Variants in DYNC2H1 observed in about 807,000 individuals in gnomAD.
The protein encoded by DYNC2H1 is dynein cytoplasmic 2 heavy chain 1, also known as cytoplasmic dynein 2 heavy chain 1.
In DYNC2H1, 410 loss-of-function variants were observed where a neutral mutation model predicts 570.0. The observed-to-expected ratio is 0.72, with a 90% CI of 0.66 to 0.78. DYNC2H1 has a LOEUF of 0.78. Ranked by LOEUF, DYNC2H1 falls within the 30% of genes least tolerant of loss-of-function variation. The pLI is 0.00. For missense variants in DYNC2H1, 4,865 were observed against 5,046.4 expected, an observed-to-expected ratio of 0.96 and a Z score of 1.09; for synonymous variants, 1,688 against 1,677.6, an observed-to-expected ratio of 1.01 and a Z score of -0.15.
intron 4 of DYNC2H1, 40 bp from the exon 5 acceptor site, chr11:103,116,530 A>C (rs878869901): frequency 6.6e-7 from 1 of 1,507,636 alleles, no homozygotes; most frequent in Non-Finnish European, 9.0e-7. Flanking sequence ...CCCAAGGTAC[A>C]AATATAATTA....
intron 84 of DYNC2H1, among the ~76,000 whole-genome samples, chr11:103,431,982 A>G (rs1943908937): frequency 6.6e-6 from 1 of 152,068 alleles, no homozygotes; most frequent in South Asian, 2.1e-4. Flanking sequence ...TGCTGAGCAT[A>G]CTTCTCAGAT....
chr11:103,110,581 A>G (rs1479830801), intron 1 of DYNC2H1, among the ~76,000 whole-genome samples: 3 of 152,020 alleles, frequency 2.0e-5, no homozygotes, highest in African/African-American at 4.8e-5. Context: ...TGATTTATTA[A>G]TTGCACTGCT....
chr11:103,154,404 A>G, intron 22 of DYNC2H1, 47 bp from the exon 23 acceptor site: 1 of 1,467,066 alleles, frequency 6.8e-7, no homozygotes, highest in Non-Finnish European at 9.1e-7. Context: ...TAACAGTATC[A>G]ATATTTCTGT....
intron 82 of DYNC2H1, among the ~76,000 whole-genome samples, chr11:103,331,705 A>G (rs190793661): frequency 4.2e-4 from 64 of 152,332 alleles, no homozygotes; most frequent in Middle Eastern, 3.4e-3. Context: ...CCAGAATAAG[A>G]TAAGACACAG....
intron 75 of DYNC2H1, among the ~76,000 whole-genome samples, chr11:103,294,397 T>C (rs1438302885): frequency 6.6e-6 from 1 of 152,162 alleles, no homozygotes; most frequent in Non-Finnish European, 1.5e-5. Flanking sequence ...TGTTTTTACC[T>C]AAGCCTGTTT....
chr11:103,354,575 A>G (rs1046548055), intron 82 of DYNC2H1, among the ~76,000 whole-genome samples: 1 of 151,484 alleles, frequency 6.6e-6, no homozygotes, highest in Non-Finnish European at 1.5e-5. Flanking sequence ...TTTTTTTTGG[A>G]TGATTTTCTT....
At position 103,479,364 on chromosome 11, in the gene DYNC2H1, T is replaced by TAACTATATGTTA; in HGVS notation, c.*112_*113insACTATATGTTAA. 1 of 1,271,794 alleles carries TAACTATATGTTA rather than the reference T, an allele frequency of 7.9e-7. No individual in the cohort carries two copies. The highest frequency in any genetic ancestry group is 1.0e-6 in the Non-Finnish European group (1 of 960,228). The allele number at this position is 1,271,794 out of a possible 1,614,324, so 78.8% of individuals were successfully genotyped here. ...GAAATGTTAGTTCAAAATATTAACATATAGTTATGTTGTTGATGTCACTGA... is the reference window on the plus strand; with the variant it reads ...GAAATGTTAGTTCAAAATATTAACATAACTATATGTTAATAGTTATGTTGTTGATGTCACTGA... On this transcript the variant is annotated 3_prime_UTR_variant, in exon 89 of 89. Transcript: ENST00000375735.
intron 4 of DYNC2H1, 102 bp from the exon 5 acceptor site, chr11:103,116,468 A>G: frequency 1.3e-6 from 1 of 796,052 alleles, no homozygotes; most frequent in Non-Finnish European, 1.8e-6. Context: ...TAATATGGCA[A>G]ATATTAGAGT....
chr11:103,342,987 C>T (rs1022984702), intron 82 of DYNC2H1, among the ~76,000 whole-genome samples: 2 of 152,108 alleles, frequency 1.3e-5, no homozygotes, highest in Non-Finnish European at 2.9e-5. Context: ...GGGGGCTAAA[C>T]ACTGGGCACC....
At chr11:103,230,247 G>T (rs572800393) in intron 59 of DYNC2H1, among the ~76,000 whole-genome samples, 1 of 152,130 alleles carries the variant, frequency 6.6e-6, no homozygotes, top group Non-Finnish European at 1.5e-5. Flanking sequence ...CTGATCCTTG[G>T]TTGTTAGTTA....
Position 103,170,886 on chromosome 11 carries a change from G to A in DYNC2H1, c.5152G>A (p.Gly1718Ser). The A allele has an allele frequency of 2.0e-6, 3 of 1,481,336 alleles. No homozygotes were observed. The highest frequency in any genetic ancestry group is 2.7e-6 in the Non-Finnish European group (3 of 1,106,344). The allele number at this position is 1,481,336 out of a possible 1,614,324, so 91.8% of individuals were successfully genotyped here. Residue 1718 changes from glycine (G) to serine (S), a missense_variant and splice_region_variant, in exon 34 of 89, where the codon GGC (glycine) becomes AGC (serine). Transcript: ENST00000375735. The surrounding 1 kb of genome is among the most constrained non-coding windows in gnomAD (Gnocchi z 4.8). ...RQVLVFNCDEGIDVKSMGRIF... is the reference protein window; with the variant it reads ...RQVLVFNCDESIDVKSMGRIF... ...TATAATTTTTATTGTTGTTTTTAAG[G>A]GCATCGATGTGAAGTCAATGGGACG...
rs1942378628 is a variant in DYNC2H1 at position 103,395,876 on chromosome 11, A to G, written c.12157-3787A>G. On this transcript the variant is annotated intron_variant, in intron 83 of 88. Coordinates refer to ENST00000375735, the MANE Select transcript of DYNC2H1 (RefSeq NM_001377.3). This position sits in a 1 kb window ranked among gnomAD's most constrained non-coding sequence, Gnocchi z 4.3. ...GAAATGATTATCTAAAGAGGAATGAAGGGTTACTTGAGGGCAAAGGTAGAA... is the reference window on the plus strand; with the variant it reads ...GAAATGATTATCTAAAGAGGAATGAGGGGTTACTTGAGGGCAAAGGTAGAA... Among the ~76,000 whole-genome samples, 1 of 152,224 alleles carries G rather than the reference A, an allele frequency of 6.6e-6. No homozygotes were observed. The highest frequency in any genetic ancestry group is 1.5e-5 in the Non-Finnish European group (1 of 68,042).
At chr11:103,330,260 C>A (rs917115873) in intron 82 of DYNC2H1, among the ~76,000 whole-genome samples, 3 of 151,850 alleles carry the variant, frequency 2.0e-5, no homozygotes, top group African/African-American at 7.2e-5. Flanking sequence ...CTTTTCATTT[C>A]ATTGCTGAAG....
rs1408863024 is a variant in DYNC2H1, at chr11:103,223,025, C to T, written c.9292C>T (p.Gln3098Ter). The change falls in exon 59 of 89, where the codon CAG (glutamine) becomes TAG (stop). Residue 3098 changes from glutamine to a stop codon, truncating the protein, a stop_gained. Coordinates refer to ENST00000375735, the MANE Select transcript of DYNC2H1 (RefSeq NM_001377.3). LOFTEE classifies it high-confidence loss of function. Reference protein sequence around the residue: ...PLAAWVKANIQYSHVLERIHP... With the variant: ...PLAAWVKANI ...GGCTGCCTGGGTGAAAGCCAATATT[C>T]AGTATTCCCATGTCTTGGAACGAAT... 1 of 1,613,412 alleles carries T rather than the reference C, an allele frequency of 6.2e-7. No homozygotes were observed. Among genetic ancestry groups the T allele is most frequent in the Admixed American group, 1.7e-5 (1 of 60,004 alleles).
intron 87 of DYNC2H1, among the ~76,000 whole-genome samples, chr11:103,463,583 C>CTACTACA: frequency 6.6e-6 from 1 of 152,080 alleles, no homozygotes; most frequent in South Asian, 2.1e-4. Context: ...AACCCTGTTT[C>CTACTACA]TACTACAAAT....
rs79299437 is a variant in DYNC2H1, at chr11:103,293,283, C to T, written c.11095+5678C>T. Among the ~76,000 whole-genome samples, 782 of 152,228 alleles carry T rather than the reference C, an allele frequency of 5.1e-3. 8 individuals carry two copies. The highest frequency in any genetic ancestry group is 0.018 in the African/African-American group (753 of 41,548). ...TGTGAGGGTTCCACTGAGAAATGTG[C>T]TGCCAGACATACGGAGCTTCTTTAT... On this transcript the variant is annotated intron_variant, in intron 75 of 88. Coordinates refer to ENST00000375735, the MANE Select transcript of DYNC2H1 (RefSeq NM_001377.3).
chr11:103,266,809 G>A (rs562764000), intron 70 of DYNC2H1, among the ~76,000 whole-genome samples: 31 of 152,288 alleles, frequency 2.0e-4, no homozygotes, highest in African/African-American at 5.8e-4. Flanking sequence ...GCAAGCAGGC[G>A]TGGCCAGATT....
chr11:103,177,982 A>G lies in DYNC2H1; in HGVS notation c.6139+162A>G, dbSNP rs1861696428. ...ATTTTACTTTGGAGGGGGCCAAGAC[A>G]TGCTATCATTTTCAGTTAAACTCTG... On this transcript the variant is annotated intron_variant, in intron 38 of 88. Coordinates refer to ENST00000375735, the MANE Select transcript of DYNC2H1 (RefSeq NM_001377.3). The surrounding 1 kb of genome is among the most constrained non-coding windows in gnomAD (Gnocchi z 4.4). 6.6e-6 allele frequency among the ~76,000 whole-genome samples: 1 copy of G among 152,186 alleles called. No homozygotes were observed. The highest frequency in any genetic ancestry group is 2.1e-4 in the South Asian group (1 of 4,830).
rs1474996061 is a variant in DYNC2H1 at position 103,334,815 on chromosome 11, T to C, written c.12039+10825T>C. ...ACCACAGTAGACTACTACAGTATGATAGTTTTGCAGAATACAAAGATTGCT... is the reference window on the plus strand; with the variant it reads ...ACCACAGTAGACTACTACAGTATGACAGTTTTGCAGAATACAAAGATTGCT... On this transcript the variant is annotated intron_variant, in intron 82 of 88. Transcript: ENST00000375735. The surrounding 1 kb of genome is among the most constrained non-coding windows in gnomAD (Gnocchi z 4.3). Among the ~76,000 whole-genome samples the C allele has an allele frequency of 2.0e-5, 3 of 152,080 alleles. No individual in the cohort carries two copies. Among genetic ancestry groups the C allele is most frequent in the Non-Finnish European group, 4.4e-5 (3 of 67,950 alleles).
Sources: gnomAD v4.1 joint callset for allele counts (sites outside exome capture counted in the v4.1 genomes callset) on GRCh38, gnomAD v4.1.1 for gene constraint, Gnocchi (gnomAD v3.1) non-coding constraint, MANE v1.5 for transcripts, NCBI Gene and HGNC (gene_info 2026-07-23, HGNC 2026-07-21) for gene names.